ZDHHC14: variants seen among roughly 807,000 people sequenced by gnomAD.
The protein encoded by ZDHHC14 is zDHHC palmitoyltransferase 14, also known as palmitoyltransferase ZDHHC14.
Under a neutral mutation model 47.7 loss-of-function variants are expected in ZDHHC14, and 16 were observed. That is an observed-to-expected ratio of 0.34 (90% CI 0.23 to 0.51). The LOEUF (loss-of-function observed/expected upper bound fraction) is 0.51, where lower values mean the gene tolerates loss of function less well. Among genes scored for constraint, ZDHHC14 ranks in the 20% least tolerant of loss-of-function variants. ZDHHC14 has a pLI of 0.97. For synonymous variants in ZDHHC14, 293 were observed against 278.9 expected, an observed-to-expected ratio of 1.05 and a Z score of -0.50; for missense variants, 515 against 662.5, an observed-to-expected ratio of 0.78 and a Z score of 2.44.
chr6:157,580,806 A>G (rs1480606283), intron 2 of ZDHHC14, among the ~76,000 whole-genome samples: 1 of 143,208 alleles, frequency 7.0e-6, no homozygotes, highest in Non-Finnish European at 1.5e-5. Context: ...GTTAATTTGG[A>G]TTTCCCTCCT....
chr6:157,672,633 T>TC, intron 8 of ZDHHC14, 91 bp from the exon 9 acceptor site: 64 of 123,868 alleles, frequency 5.2e-4, no homozygotes, highest in South Asian at 1.1e-3. Context: ...CACCCCACCC[T>TC]CCCCGCCCGT....
intron 1 of ZDHHC14, among the ~76,000 whole-genome samples, chr6:157,488,221 A>G (rs1447095136): frequency 6.6e-6 from 1 of 152,180 alleles, no homozygotes; most frequent in African/African-American, 2.4e-5. Context: ...GGAGGCGGGT[A>G]TGAAAGGAAG....
chr6:157,558,467 G>T (rs1041498750), intron 2 of ZDHHC14, among the ~76,000 whole-genome samples: 2 of 152,234 alleles, frequency 1.3e-5, no homozygotes, highest in African/African-American at 4.8e-5. Flanking sequence ...CTGACACCCA[G>T]CTGTTACCAA....
At chr6:157,506,822 T>C (rs951821953) in intron 1 of ZDHHC14, among the ~76,000 whole-genome samples, 7 of 152,204 alleles carry the variant, frequency 4.6e-5, no homozygotes, top group Non-Finnish European at 1.0e-4. Flanking sequence ...CAACTGTGCT[T>C]GCATAAAGTA....
intron 1 of ZDHHC14, among the ~76,000 whole-genome samples, chr6:157,393,525 A>T (rs1777461263): frequency 1.3e-5 from 2 of 152,338 alleles, no homozygotes; most frequent in African/African-American, 4.8e-5. Flanking sequence ...TCTATTGGAG[A>T]TGTTACTTCT....
At chr6:157,461,306 C>T (rs1196668552) in intron 1 of ZDHHC14, among the ~76,000 whole-genome samples, 2 of 152,212 alleles carry the variant, frequency 1.3e-5, no homozygotes, top group Non-Finnish European at 2.9e-5. Flanking sequence ...GGCAAAGTCT[C>T]GTGCCCCTCT....
chr6:157,549,077 T>C (rs562311536), intron 2 of ZDHHC14, among the ~76,000 whole-genome samples: 2 of 152,354 alleles, frequency 1.3e-5, no homozygotes, highest in African/African-American at 2.4e-5. Flanking sequence ...AACACCTGCC[T>C]ATCTGATATC....
chr6:157,457,262 T>G (rs2114809633), intron 1 of ZDHHC14, among the ~76,000 whole-genome samples: 1 of 151,876 alleles, frequency 6.6e-6, no homozygotes, highest in South Asian at 2.1e-4. Flanking sequence ...GGTTGAGGTG[T>G]TTATCAGGGC....
At chr6:157,539,083 T>C (rs989616433) in intron 1 of ZDHHC14, among the ~76,000 whole-genome samples, 1 of 151,794 alleles carries the variant, frequency 6.6e-6, no homozygotes, top group Admixed American at 6.6e-5. Context: ...TTGGGACAGA[T>C]TGAAGGAGGG....
chr6:157,406,556 C>T (rs1777769859), intron 1 of ZDHHC14, among the ~76,000 whole-genome samples: 1 of 152,202 alleles, frequency 6.6e-6, no homozygotes, highest in Admixed American at 6.5e-5. Context: ...TCTGACTGCT[C>T]CATTGCTAAC....
At chr6:157,541,803 T>C (rs145159217) in intron 1 of ZDHHC14, among the ~76,000 whole-genome samples, 64 of 152,246 alleles carry the variant, frequency 4.2e-4, no homozygotes, top group African/African-American at 1.3e-3. Flanking sequence ...GTGTAGAGTT[T>C]AGTCTGTCCC....
intron 2 of ZDHHC14, among the ~76,000 whole-genome samples, chr6:157,577,988 T>G (rs1343537963): frequency 6.6e-6 from 1 of 152,274 alleles, no homozygotes; most frequent in Non-Finnish European, 1.5e-5. Context: ...ACCACATGTA[T>G]ATCTTCTTTT....
At chr6:157,581,341 G>A (rs1582973599) in intron 2 of ZDHHC14, among the ~76,000 whole-genome samples, 1 of 150,616 alleles carries the variant, frequency 6.6e-6, no homozygotes, top group South Asian at 2.1e-4. Context: ...ATGTCTGATT[G>A]TGTGGTCAAT....
At chr6:157,492,867 C>T (rs752084840) in intron 1 of ZDHHC14, among the ~76,000 whole-genome samples, 12 of 151,958 alleles carry the variant, frequency 7.9e-5, no homozygotes, top group Admixed American at 3.3e-4. Flanking sequence ...CCAGGCAAGG[C>T]GCGCCCTGGG....
chr6:157,617,002 C>T (rs1260333648), intron 3 of ZDHHC14, among the ~76,000 whole-genome samples: 1 of 152,078 alleles, frequency 6.6e-6, no homozygotes, highest in East Asian at 1.9e-4. Context: ...CCATCACTCA[C>T]CTTTTAGAGG....
intron 1 of ZDHHC14, among the ~76,000 whole-genome samples, chr6:157,482,735 T>C (rs1006626493): frequency 4.6e-5 from 7 of 150,734 alleles, no homozygotes; most frequent in Non-Finnish European, 8.9e-5. Context: ...GGTTTTAGAA[T>C]GTCAAAATCA....
chr6:157,504,783 G>GTGTTTTGTTTTGTTTTGTTT (rs10692552), intron 1 of ZDHHC14, among the ~76,000 whole-genome samples: 40 of 149,314 alleles, frequency 2.7e-4, no homozygotes, highest in African/African-American at 3.7e-4. Flanking sequence ...AAAATACCAT[G>GTGTTTTGTTTTGTTTTGTTT]TGTTTTGTTT....
In ZDHHC14 at chr6:157,673,128, A is replaced by T. The variant is rs375817515; in HGVS notation, c.*6A>T. The stretch of plus-strand genomic sequence containing the variant: ...TGAAGCTCAGCTCCGTGTGACCCAC[A>T]TGGCCCCAGGCCGGGGGACACCAGA... On this transcript the variant is annotated 3_prime_UTR_variant, in exon 9 of 9. Coordinates refer to ENST00000359775, the MANE Select transcript of ZDHHC14 (RefSeq NM_024630.3). This position sits in a 1 kb window ranked among gnomAD's most constrained non-coding sequence, Gnocchi z 5.4. The T allele has an allele frequency of 6.4e-7, 1 of 1,567,232 alleles. No individual in the cohort carries two copies. The highest frequency in any genetic ancestry group is 1.4e-5 in the African/African-American group (1 of 73,768).
intron 7 of ZDHHC14, among the ~76,000 whole-genome samples, chr6:157,647,630 C>G (rs1220623893): frequency 6.6e-6 from 1 of 152,116 alleles, no homozygotes; most frequent in African/African-American, 2.4e-5. Context: ...ATGCCTGTGG[C>G]CCTGCTAATG....
Sources: gnomAD v4.1 joint callset for allele counts (sites outside exome capture counted in the v4.1 genomes callset) on GRCh38, gnomAD v4.1.1 for gene constraint, Gnocchi (gnomAD v3.1) non-coding constraint, MANE v1.5 for transcripts, NCBI Gene and HGNC (gene_info 2026-07-23, HGNC 2026-07-21) for gene names.